Variants in UNC5B observed in about 807,000 individuals in gnomAD.
The protein encoded by UNC5B is netrin receptor UNC5B.
A neutral mutation model predicts 103.7 loss-of-function variants in UNC5B; 56 were observed. The observed-to-expected ratio is 0.54, with a 90% CI of 0.44 to 0.67. UNC5B has a LOEUF of 0.67. Ranked by LOEUF, UNC5B falls within the 30% of genes least tolerant of loss-of-function variation. The pLI, the probability that UNC5B is intolerant of heterozygous loss-of-function variation, is 0.00. For synonymous variants in UNC5B, 577 were observed against 542.0 expected, an observed-to-expected ratio of 1.06 and a Z score of -0.90; for missense variants, 1,194 against 1,284.5, an observed-to-expected ratio of 0.93 and a Z score of 1.08.
At chr10:71,285,272 A>C (rs574453123) in intron 3 of UNC5B, 54 bp from the exon 4 acceptor site, 4 of 1,525,442 alleles carry the variant, frequency 2.6e-6, no homozygotes, top group Non-Finnish European at 3.6e-6. Flanking sequence ...GTAGCACATC[A>C]GGTTCTGATC....
intron 1 of UNC5B, among the ~76,000 whole-genome samples, chr10:71,242,646 G>A (rs1843931275): frequency 6.6e-6 from 1 of 152,350 alleles, no homozygotes; most frequent in South Asian, 2.1e-4. Flanking sequence ...GACCCTGGCT[G>A]TCCCTGCAGA....
chr10:71,225,373 G>A lies in UNC5B; in HGVS notation c.79+12309G>A, dbSNP rs532526984. ...GTGTGGCAGGGATGAGAGGGCCCACGTGCCCATTTCCCTGGCACCTCCCAT... is the reference window on the plus strand; with the variant it reads ...GTGTGGCAGGGATGAGAGGGCCCACATGCCCATTTCCCTGGCACCTCCCAT... On this transcript the variant is annotated intron_variant, in intron 1 of 16. Transcript: ENST00000335350. Among the ~76,000 whole-genome samples, 19 of 152,318 alleles carry A rather than the reference G, an allele frequency of 1.2e-4. No homozygotes were observed. In the East Asian group the frequency reaches 1.7e-3, roughly 14 times the overall value.
chr10:71,229,374 C>T (rs1023787375), intron 1 of UNC5B, among the ~76,000 whole-genome samples: 2 of 152,198 alleles, frequency 1.3e-5, no homozygotes, highest in Admixed American at 1.3e-4. Context: ...GCATGATTGC[C>T]GGAAGGTCCT....
At chr10:71,222,845 G>C (rs1374142797) in intron 1 of UNC5B, among the ~76,000 whole-genome samples, 1 of 152,256 alleles carries the variant, frequency 6.6e-6, no homozygotes, top group Admixed American at 6.5e-5. Flanking sequence ...AAGGAAAGCA[G>C]CTCTGTAATG....
At chr10:71,264,654 C>T (rs1439301647) in intron 1 of UNC5B, among the ~76,000 whole-genome samples, 1 of 152,174 alleles carries the variant, frequency 6.6e-6, no homozygotes, top group African/African-American at 2.4e-5. Context: ...TGTCGGGAGG[C>T]AAGAGAGCAT....
chr10:71,245,968 G>C (rs1167824984), intron 1 of UNC5B, among the ~76,000 whole-genome samples: 2 of 152,202 alleles, frequency 1.3e-5, no homozygotes, highest in East Asian at 3.9e-4. Flanking sequence ...TGGGCGTCAT[G>C]GCTCCCTCCT....
Position 71,293,767 on chromosome 10 carries a change from G to C in UNC5B, c.2009G>C (p.Cys670Ser). 1.9e-6 allele frequency: 3 copies of C among 1,599,376 alleles called. No homozygotes were observed. Among genetic ancestry groups the C allele is most frequent in the Middle Eastern group, 3.3e-4 (2 of 6,040 alleles). The change falls in exon 13 of 17, where the codon TGT (cysteine) becomes TCT (serine). Residue 670 changes from cysteine to serine, a missense_variant. By Grantham distance (112) the Cys-to-Ser change is moderately radical. Coordinates refer to ENST00000335350, the MANE Select transcript of UNC5B (RefSeq NM_170744.5). The part of the protein sequence containing the change: ...PCYCQLEPRA[C>S]HILLDQLGTY... ...TACTGCCAGCTGGAGCCCAGGGCCT[G>C]TCACATCCTGCTGGACCAGCTGGGC...
At chr10:71,245,411 G>C (rs1162784349) in intron 1 of UNC5B, among the ~76,000 whole-genome samples, 4 of 152,170 alleles carry the variant, frequency 2.6e-5, no homozygotes, top group Non-Finnish European at 4.4e-5. Context: ...AGTCTGGCAG[G>C]GGGGACCCTT....
At chr10:71,286,940 GA>G (rs1845104894) in intron 5 of UNC5B, 71 bp downstream of exon 5, 1 of 1,566,522 alleles carries the variant, frequency 6.4e-7, no homozygotes. Context: ...GGGTAGGGGG[GA>G]CCCCTGGATT....
intron 1 of UNC5B, among the ~76,000 whole-genome samples, chr10:71,271,445 C>T (rs1457510689): frequency 6.6e-6 from 1 of 152,322 alleles, no homozygotes; most frequent in African/African-American, 2.4e-5. Context: ...CCTCAGGGCC[C>T]AGGCCTCCAT....
In UNC5B at chr10:71,293,553, G is replaced by A; in HGVS notation, c.1921G>A (p.Ala641Thr). ...CTGGATCTTTCAGCTCAAGACCCAGGCCCACCAGGGCCACTGGGAGGTGAG... is the reference window on the plus strand; with the variant it reads ...CTGGATCTTTCAGCTCAAGACCCAGACCCACCAGGGCCACTGGGAGGTGAG... ...RDWIFQLKTQ[A>T]HQGHWEEVVT... Residue 641 changes from alanine (A) to threonine (T), a missense_variant, in exon 12 of 17, where the codon GCC becomes ACC. By Grantham distance (58) the Ala-to-Thr change is moderately conservative. Transcript: ENST00000335350. The A allele has an allele frequency of 6.2e-7, 1 of 1,613,836 alleles. No homozygotes were observed. Among genetic ancestry groups the A allele is most frequent in the Non-Finnish European group, 8.5e-7 (1 of 1,180,008 alleles).
At position 71,287,896 on chromosome 10, in the gene UNC5B, G is replaced by A. The variant is rs145425657; in HGVS notation, c.901+131G>A. On this transcript the variant is annotated intron_variant, in intron 6 of 16. Transcript: ENST00000335350. Reference sequence around the variant, plus strand: ...AGGTGCTTGTCCCGAGCCCACAGCCGGCTGCCCAGGCTGACTAGATGCTCT... The same window carrying A: ...AGGTGCTTGTCCCGAGCCCACAGCCAGCTGCCCAGGCTGACTAGATGCTCT... The A allele has an allele frequency of 4.4e-3, 5,342 of 1,222,438 alleles. 20 individuals are homozygous for A. The highest frequency in any genetic ancestry group is 5.1e-3 in the Non-Finnish European group (4,587 of 906,622). The allele number at this position is 1,222,438 out of a possible 1,614,324, so 75.7% of individuals were successfully genotyped here.
In UNC5B at chr10:71,299,510, C is replaced by A; in HGVS notation, c.*233C>A. ...CCACCCCCGCTCTCTCTCTCTTGGC[C>A]TGAGATCTCTGTGCAGGAACCAAGA... On this transcript the variant is annotated 3_prime_UTR_variant, in exon 17 of 17. Transcript: ENST00000335350. 1 of 510,220 alleles carries A rather than the reference C, an allele frequency of 2.0e-6. No individual in the cohort carries two copies. Among genetic ancestry groups the A allele is most frequent in the Non-Finnish European group, 3.5e-6 (1 of 287,588 alleles). 31.6% of individuals were successfully genotyped at this position (510,220 alleles called of 1,614,324 possible).
At chr10:71,296,192 C>A (rs1214733670) in intron 14 of UNC5B, among the ~76,000 whole-genome samples, 4 of 152,340 alleles carry the variant, frequency 2.6e-5, no homozygotes, top group Non-Finnish European at 5.9e-5. Flanking sequence ...CTGTCACACC[C>A]TCACACGCAC....
chr10:71,257,706 G>A (rs539272112), intron 1 of UNC5B, among the ~76,000 whole-genome samples: 14 of 152,322 alleles, frequency 9.2e-5, no homozygotes, highest in African/African-American at 3.1e-4. Context: ...CATGGCTTGG[G>A]GCCCAGCAGC....
chr10:71,243,684 A>G (rs1843959626), intron 1 of UNC5B, among the ~76,000 whole-genome samples: 1 of 152,110 alleles, frequency 6.6e-6, no homozygotes, highest in African/African-American at 2.4e-5. Flanking sequence ...CCCCACCTGG[A>G]TGGCCAAGGT....
intron 1 of UNC5B, among the ~76,000 whole-genome samples, chr10:71,237,802 T>C (rs1032960665): frequency 6.6e-6 from 1 of 152,168 alleles, no homozygotes; most frequent in African/African-American, 2.4e-5. Context: ...CAAGAAATAT[T>C]TGATGCTCAC....
At chr10:71,253,851 C>A (rs1252619933) in intron 1 of UNC5B, among the ~76,000 whole-genome samples, 1 of 152,096 alleles carries the variant, frequency 6.6e-6, no homozygotes, top group Non-Finnish European at 1.5e-5. Context: ...GCATGTCTCC[C>A]AGGAGGTGTT....
At chr10:71,277,204 G>T (rs940946190) in intron 1 of UNC5B, among the ~76,000 whole-genome samples, 1 of 152,260 alleles carries the variant, frequency 6.6e-6, no homozygotes, top group African/African-American at 2.4e-5. Context: ...TCACCCCGGG[G>T]CTGGGGGTGG....
Sources: gnomAD v4.1 joint callset for allele counts (sites outside exome capture counted in the v4.1 genomes callset) on GRCh38, gnomAD v4.1.1 for gene constraint, MANE v1.5 for transcripts, NCBI Gene and HGNC (gene_info 2026-07-23, HGNC 2026-07-21) for gene names.